The following SORBS2 variants were observed in gnomAD, a reference collection of about 807,000 sequenced individuals.
The protein encoded by SORBS2 is sorbin and SH3 domain-containing protein 2.
Under a neutral mutation model 97.7 loss-of-function variants are expected in SORBS2, and 46 were observed. The observed-to-expected ratio is 0.47, with a 90% CI of 0.37 to 0.60. The LOEUF is 0.60. Among genes scored for constraint, SORBS2 ranks in the 20% least tolerant of loss-of-function variants. The probability of loss-of-function intolerance (pLI) is 0.00; values close to 1 mark genes in which losing one functional copy is unlikely to be tolerated. For missense variants in SORBS2, 1,316 were observed against 1,282.3 expected (o/e 1.03, Z -0.40); for synonymous variants, 476 against 473.4 (o/e 1.01, Z -0.07).
At chr4:185,707,125 T>G (rs931768929) in intron 2 of SORBS2, among the ~76,000 whole-genome samples, 1 of 152,220 alleles carries the variant, frequency 6.6e-6, no homozygotes, top group African/African-American at 2.4e-5. Flanking sequence ...ACATATGTGT[T>G]ACATATATAT....
chr4:185,929,112 G>A (rs1427636325), intron 1 of SORBS2, among the ~76,000 whole-genome samples: 1 of 152,120 alleles, frequency 6.6e-6, no homozygotes. Context: ...CCTATAGAAA[G>A]AGAAATCACC....
intron 2 of SORBS2, among the ~76,000 whole-genome samples, chr4:185,768,698 C>CAAAAAAA (rs1207578871): frequency 1.9e-4 from 16 of 84,770 alleles, no homozygotes; most frequent in Non-Finnish European, 2.9e-4. Context: ...GACTCTGTCT[C>CAAAAAAA]AAAAAAAAAA....
At chr4:185,627,128 A>G (rs1448564127) in intron 5 of SORBS2, 109 bp from the exon 18 acceptor site, 1 of 865,936 alleles carries the variant, frequency 1.2e-6, no homozygotes, top group South Asian at 1.5e-5. Context: ...CTAAACCTCT[A>G]TCCCCAAAAC....
chr4:185,639,322 C>G (rs1428462307), intron 4 of SORBS2, among the ~76,000 whole-genome samples: 7 of 152,120 alleles, frequency 4.6e-5, no homozygotes, highest in Non-Finnish European at 1.0e-4. Flanking sequence ...GGGGAGGGAG[C>G]CTGGGGTAAA....
At chr4:185,596,691 T>C (rs911527432) in intron 12 of SORBS2, among the ~76,000 whole-genome samples, 10 of 151,884 alleles carry the variant, frequency 6.6e-5, no homozygotes, top group East Asian at 3.9e-4. Context: ...CGCACCACCG[T>C]GCCCAGCTAA....
intron 1 of SORBS2, among the ~76,000 whole-genome samples, chr4:185,790,712 G>A (rs1329001389): frequency 6.6e-6 from 1 of 152,072 alleles, no homozygotes; most frequent in African/African-American, 2.4e-5. Flanking sequence ...CTAGTCCATT[G>A]GTCTGATAAG....
chr4:185,755,939 T>C (rs892182501), intron 2 of SORBS2, among the ~76,000 whole-genome samples: 3 of 152,174 alleles, frequency 2.0e-5, no homozygotes, highest in African/African-American at 7.2e-5. Flanking sequence ...AGATCTGAAG[T>C]AAATATCAGT....
At position 185,662,115 on chromosome 4, in the gene SORBS2, C is replaced by T. The variant is rs139155954; in HGVS notation, c.83G>A (p.Gly28Asp). The T allele has an allele frequency of 5.8e-5, 93 of 1,614,078 alleles. No individual in the cohort carries two copies. The African/African-American group carries it at 1.1e-3, about 19-fold the overall frequency. ...AGTAAATTACTTACCGAGGGATGTG[C>T]CGTGCTGCATGACAATGCTGGAGTT... is the stretch of plus-strand genomic sequence containing the variant. The change falls in exon 5 of 21, where the codon GGC (glycine) becomes GAC (aspartate). Residue 28 changes from glycine (G) to aspartate (D), a missense_variant. Transcript: ENST00000284776.
At chr4:185,727,058 T>C (rs926768727) in intron 2 of SORBS2, among the ~76,000 whole-genome samples, 28 of 152,228 alleles carry the variant, frequency 1.8e-4, no homozygotes, top group Admixed American at 1.8e-3. Flanking sequence ...TAAGTACGCT[T>C]TGAACAGATC....
chr4:185,863,363 C>G (rs904255718), intron 1 of SORBS2, among the ~76,000 whole-genome samples: 8 of 152,184 alleles, frequency 5.3e-5, no homozygotes, highest in Non-Finnish European at 2.9e-5. Context: ...GAGACAGGTA[C>G]ATGGATGGAT....
chr4:185,690,695 G>A (rs999459715), intron 2 of SORBS2, 84 bp from the exon 4 acceptor site: 6 of 540,214 alleles, frequency 1.1e-5, no homozygotes, highest in African/African-American at 3.7e-5. Context: ...TGTTTTTGAT[G>A]TACCTGTAAG....
chr4:185,686,294 T>C (rs1377368736), intron 2 of SORBS2, among the ~76,000 whole-genome samples: 3 of 152,184 alleles, frequency 2.0e-5, no homozygotes, highest in Admixed American at 6.5e-5. Context: ...GAATTTTTCA[T>C]AAAATTTATA....
Position 185,623,522 on chromosome 4 carries a change from G to A in SORBS2, c.1607C>T (p.Ser536Phe). The change falls in exon 7 of 15, where the codon TCC becomes TTC. Residue 536 changes from serine to phenylalanine, a missense_variant. Physicochemically the swap from Ser to Phe is radical, Grantham distance 155. Coordinates refer to ENST00000418609, the Ensembl canonical transcript of SORBS2. The surrounding 1 kb of genome is among the most constrained non-coding windows in gnomAD (Gnocchi z 6.4). ...GTGGCTGGATCCGTAAAAGCTTTCG[G>A]AGGATGTGAAGGAAAAGTGATCAAA... 4 of 1,614,060 alleles carry A rather than the reference G, an allele frequency of 2.5e-6. No homozygotes were observed. Among genetic ancestry groups the A allele is most frequent in the Non-Finnish European group, 3.4e-6 (4 of 1,180,016 alleles).
At chr4:185,711,746 C>T (rs1400925924) in intron 2 of SORBS2, among the ~76,000 whole-genome samples, 2 of 152,076 alleles carry the variant, frequency 1.3e-5, no homozygotes, top group Non-Finnish European at 2.9e-5. Context: ...GCTGTTTAAC[C>T]TCATGTAGAG....
chr4:185,728,304 GT>G (rs2098579113), intron 2 of SORBS2, among the ~76,000 whole-genome samples: 1 of 152,012 alleles, frequency 6.6e-6, no homozygotes, highest in Admixed American at 6.6e-5. Flanking sequence ...TTAGGCAAAT[GT>G]TTTCACCTGA....
At chr4:185,954,933 C>T (rs2099278916) in intron 1 of SORBS2, among the ~76,000 whole-genome samples, 1 of 152,168 alleles carries the variant, frequency 6.6e-6, no homozygotes, top group Non-Finnish European at 1.5e-5. Context: ...GCCTGGCCAA[C>T]ATGAGTAAAA....
At chr4:185,824,534 A>G (rs1446793438) in intron 1 of SORBS2, among the ~76,000 whole-genome samples, 1 of 152,134 alleles carries the variant, frequency 6.6e-6, no homozygotes, top group Non-Finnish European at 1.5e-5. Flanking sequence ...TTACAGCTAT[A>G]ATCCTTTCTG....
intron 1 of SORBS2, among the ~76,000 whole-genome samples, chr4:185,867,209 A>T (rs970197603): frequency 6.6e-6 from 1 of 152,052 alleles, no homozygotes; most frequent in Non-Finnish European, 1.5e-5. Flanking sequence ...ATGGGGTTTC[A>T]CCATGTTGAT....
At chr4:185,672,554 G>T (rs2097728486) in intron 4 of SORBS2, among the ~76,000 whole-genome samples, 1 of 152,198 alleles carries the variant, frequency 6.6e-6, no homozygotes, top group Non-Finnish European at 1.5e-5. Flanking sequence ...TGGTCTGTTT[G>T]TAGGAGGTCA....
Sources: gnomAD v4.1 joint callset for allele counts (sites outside exome capture counted in the v4.1 genomes callset) on GRCh38, gnomAD v4.1.1 for gene constraint, Gnocchi (gnomAD v3.1) non-coding constraint, MANE v1.5 for transcripts, NCBI Gene and HGNC (gene_info 2026-07-23, HGNC 2026-07-21) for gene names.